The following C5orf24 variants were observed in gnomAD, a reference collection of about 807,000 sequenced individuals.
The protein encoded by C5orf24 is UPF0461 protein C5orf24.
Under a neutral mutation model 9.8 loss-of-function variants are expected in C5orf24, and 4 were observed. The observed-to-expected ratio is 0.41, with a 90% CI of 0.20 to 0.93. C5orf24 has a LOEUF of 0.93. C5orf24 is among the 40% of genes least tolerant of loss of function. C5orf24 has a pLI of 0.33. For missense variants in C5orf24, 170 were observed against 236.9 expected (o/e 0.72, Z 1.85); for synonymous variants, 73 against 81.3 (o/e 0.90, Z 0.55).
the C5orf24 span, among the ~76,000 whole-genome samples, chr5:134,836,373 A>G: frequency 1.3e-5 from 2 of 152,034 alleles, no homozygotes; most frequent in African/African-American, 4.8e-5. Context: ...AGGTTTTACC[A>G]TGTTGGTCAG....
Position 134,855,852 on chromosome 5 carries a change from GT to G in C5orf24, c.*386del, listed in dbSNP as rs1387916461. The G allele has an allele frequency of 1.9e-6, 2 of 1,026,712 alleles. No individual in the cohort carries two copies. Among genetic ancestry groups the G allele is most frequent in the Non-Finnish European group, 1.2e-6 (1 of 848,536 alleles). The allele number at this position is 1,026,712 out of a possible 1,614,324, so 63.6% of individuals were successfully genotyped here. A position where few individuals can be genotyped will look rare whatever the true frequency, so the allele number is the denominator to read the frequency against. The stretch of plus-strand genomic sequence containing the variant: ...CCTACAGTATAATAAAGACACTAAC[GT>G]ATTTTTAACTGATGGAGCAAAAAAG... On this transcript the variant is annotated 3_prime_UTR_variant, in exon 2 of 2. Transcript: ENST00000394976.
chr5:134,854,606 T>G (rs566110378), intron 1 of C5orf24, among the ~76,000 whole-genome samples: 6 of 152,220 alleles, frequency 3.9e-5, no homozygotes, highest in Non-Finnish European at 7.3e-5. Context: ...GAACATTTGT[T>G]TTTGACTTAC....
chr5:134,853,528 C>CTTCTTTTTTTTTTTT (rs1756223114), intron 1 of C5orf24, among the ~76,000 whole-genome samples: 7 of 104,244 alleles, frequency 6.7e-5, no homozygotes, highest in African/African-American at 2.5e-4. Flanking sequence ...TCTTCTTCTT[C>CTTCTTTTTTTTTTTT]TTTTTTTTTT....
Position 134,856,001 on chromosome 5 carries a change from A to G in C5orf24, c.*534A>G, listed in dbSNP as rs1465564174. The G allele has an allele frequency of 1.0e-6, 1 of 1,001,804 alleles. No homozygotes were observed. Among genetic ancestry groups the G allele is most frequent in the African/African-American group, 1.7e-5 (1 of 57,260 alleles). The allele number at this position is 1,001,804 out of a possible 1,614,324, so 62.1% of individuals were successfully genotyped here. A position where few individuals can be genotyped will look rare whatever the true frequency, so the allele number is the denominator to read the frequency against. On this transcript the variant is annotated 3_prime_UTR_variant, in exon 2 of 2. Coordinates refer to ENST00000394976, the MANE Select transcript of C5orf24 (RefSeq NM_001135586.1). Reference sequence around the variant, plus strand: ...TTACATCCACTTCAAATGTTAAAAAACTTATTTTTAATGTTTTAGGTTTAA... The same window carrying G: ...TTACATCCACTTCAAATGTTAAAAAGCTTATTTTTAATGTTTTAGGTTTAA...
rs553055283 is a variant in C5orf24, at chr5:134,856,072, A to G, written c.*605A>G. 5.5e-5 allele frequency: 55 copies of G among 1,000,638 alleles called. No individual in the cohort carries two copies. The highest frequency in any genetic ancestry group is 6.4e-5 in the Non-Finnish European group (53 of 830,394). 62.0% of individuals were successfully genotyped at this position (1,000,638 alleles called of 1,614,324 possible). A position where few individuals can be genotyped will look rare whatever the true frequency, so the allele number is the denominator to read the frequency against. On this transcript the variant is annotated 3_prime_UTR_variant, in exon 2 of 2. Transcript: ENST00000394976. Reference sequence around the variant, plus strand: ...CTACATGGCATTAATTGATTTAACCATTATACCTGAAATAATTCTTCAGTG... The same window carrying G: ...CTACATGGCATTAATTGATTTAACCGTTATACCTGAAATAATTCTTCAGTG...
rs781032483 is a variant in C5orf24 at position 134,857,164 on chromosome 5, CACTTA to C, written c.*1702_*1706del. 2.9e-4 allele frequency: 378 copies of C among 1,285,254 alleles called. 1 individual carries two copies. The highest frequency in any genetic ancestry group is 3.2e-4 in the Non-Finnish European group (326 of 1,003,838). The allele number at this position is 1,285,254 out of a possible 1,614,324, so 79.6% of individuals were successfully genotyped here. A position where few individuals can be genotyped will look rare whatever the true frequency, so the allele number is the denominator to read the frequency against. On this transcript the variant is annotated 3_prime_UTR_variant, in exon 2 of 2. Coordinates refer to ENST00000394976, the MANE Select transcript of C5orf24 (RefSeq NM_001135586.1). ...ATAAACTTCAGACTTGAAAAAATTC[CACTTA>C]ACTTTAAAGTTACAATGTTTGTATT...
At chr5:134,849,645 G>GTTTT (rs1343947436) in intron 1 of C5orf24, among the ~76,000 whole-genome samples, 1 of 61,256 alleles carries the variant, frequency 1.6e-5, no homozygotes, top group Admixed American at 2.2e-4. Flanking sequence ...TTAAGTCAGT[G>GTTTT]TCTTTTTTTT....
rs1756320650 is a variant in C5orf24, at chr5:134,856,642, A to AATAC, written c.*1178_*1179insCATA. ...GGTGACAGAGTAAGACTCCGTCTCA[A>AATAC]ATAAATAAATAAATAAATAAATAAA... is the stretch of plus-strand genomic sequence containing the variant. On this transcript the variant is annotated 3_prime_UTR_variant, in exon 2 of 2. Transcript: ENST00000394976. 1 of 299,804 alleles carries AATAC rather than the reference A, an allele frequency of 3.3e-6. No homozygotes were observed. The highest frequency in any genetic ancestry group is 1.7e-4 in the South Asian group (1 of 5,932). The allele number at this position is 299,804 out of a possible 1,614,324, so 18.6% of individuals were successfully genotyped here. A position where few individuals can be genotyped will look rare whatever the true frequency, so the allele number is the denominator to read the frequency against.
In C5orf24 at chr5:134,858,662, TTATTA is replaced by T. The variant is rs1279893626; in HGVS notation, c.*3201_*3205del. 6 of 167,138 alleles carry T rather than the reference TTATTA, an allele frequency of 3.6e-5. No individual in the cohort carries two copies. The highest frequency in any genetic ancestry group is 3.9e-4 in the East Asian group (2 of 5,194). The allele number at this position is 167,138 out of a possible 1,614,324, so 10.4% of individuals were successfully genotyped here. ...TAAAAAGTACTTTAACATGCCTTAT[TTATTA>T]TATTAGCAAATGAGCTAATAACAGA... On this transcript the variant is annotated 3_prime_UTR_variant, in exon 2 of 2. Transcript: ENST00000394976.
upstream of C5orf24, among the ~76,000 whole-genome samples, chr5:134,841,457 C>T (rs200058310): frequency 1.3e-5 from 2 of 151,864 alleles, no homozygotes; most frequent in South Asian, 2.1e-4. Flanking sequence ...TGTGGTGGCT[C>T]GTGCCTGTAG....
At chr5:134,848,592 TG>T (rs1756061758) in intron 1 of C5orf24, among the ~76,000 whole-genome samples, 1 of 73,568 alleles carries the variant, frequency 1.4e-5, no homozygotes, top group Non-Finnish European at 2.6e-5. Flanking sequence ...ACCCGGGAGG[TG>T]GAGGTTGCGG....
rs1304522551 is a variant in C5orf24 at position 134,845,975 on chromosome 5, C to G, written c.-241C>G. 1 of 152,252 alleles carries G rather than the reference C, an allele frequency of 6.6e-6. No homozygotes were observed. The allele number at this position is 152,252 out of a possible 1,614,324, so 9.4% of individuals were successfully genotyped here. A position where few individuals can be genotyped will look rare whatever the true frequency, so the allele number is the denominator to read the frequency against. On this transcript the variant is annotated 5_prime_UTR_variant, in exon 1 of 2. Transcript: ENST00000394976. ...CTCGCGCACGCCGCCTCTAACACTA[C>G]AGGGTGGTAGCGGCCTCTTCGTACT...
rs1225540102 is a variant in C5orf24, at chr5:134,859,162, A to AT, written c.*3697dup. 2 of 167,002 alleles carry AT rather than the reference A, an allele frequency of 1.2e-5. No homozygotes were observed. The highest frequency in any genetic ancestry group is 2.4e-5 in the African/African-American group (1 of 41,460). The allele number at this position is 167,002 out of a possible 1,614,324, so 10.3% of individuals were successfully genotyped here. A position where few individuals can be genotyped will look rare whatever the true frequency, so the allele number is the denominator to read the frequency against. The stretch of plus-strand genomic sequence containing the variant: ...GCTTTAAAAGAACAATTCAGGGGTT[A>AT]TTGATAACTGCTACTCTGTCGGTCA... On this transcript the variant is annotated 3_prime_UTR_variant, in exon 2 of 2. Coordinates refer to ENST00000394976, the MANE Select transcript of C5orf24 (RefSeq NM_001135586.1).
chr5:134,845,748 T>C (rs1561883960), upstream of C5orf24: 1 of 152,268 alleles, frequency 6.6e-6, no homozygotes, highest in African/African-American at 2.4e-5. Flanking sequence ...GTAAGGAAGT[T>C]ATTAATTCCC....
At position 134,857,518 on chromosome 5, in the gene C5orf24, A is replaced by G; in HGVS notation, c.*2051A>G. On this transcript the variant is annotated 3_prime_UTR_variant, in exon 2 of 2. Coordinates refer to ENST00000394976, the MANE Select transcript of C5orf24 (RefSeq NM_001135586.1). Reference sequence around the variant, plus strand: ...ACAATATTAGCTTTGCACAAACCATAGAGAACGATGTTGGATGGTTACATA... The same window carrying G: ...ACAATATTAGCTTTGCACAAACCATGGAGAACGATGTTGGATGGTTACATA... 3 of 1,269,910 alleles carry G rather than the reference A, an allele frequency of 2.4e-6. No individual in the cohort carries two copies. The highest frequency in any genetic ancestry group is 2.1e-6 in the Non-Finnish European group (2 of 969,694). 78.7% of individuals were successfully genotyped at this position (1,269,910 alleles called of 1,614,324 possible).
chr5:134,845,891 G>A (rs1268405509), upstream of C5orf24: 1 of 152,364 alleles, frequency 6.6e-6, no homozygotes, highest in Non-Finnish European at 1.5e-5. Context: ...GTGCAGGTTG[G>A]CGGCGGGAGA....
chr5:134,844,227 T>C (rs756609990), upstream of C5orf24, among the ~76,000 whole-genome samples: 6 of 152,256 alleles, frequency 3.9e-5, no homozygotes, highest in Non-Finnish European at 7.3e-5. Flanking sequence ...AAAAACTTGT[T>C]TTTAGATAGG....
intron 1 of C5orf24, among the ~76,000 whole-genome samples, chr5:134,852,009 C>T (rs1229962776): frequency 2.0e-5 from 3 of 152,222 alleles, no homozygotes; most frequent in Non-Finnish European, 4.4e-5. Flanking sequence ...GGCACGATCT[C>T]AGCTCACTGC....
chr5:134,852,623 T>G (rs746243076), intron 1 of C5orf24, among the ~76,000 whole-genome samples: 20 of 152,214 alleles, frequency 1.3e-4, no homozygotes, highest in Admixed American at 1.3e-3. Flanking sequence ...CACACAAATA[T>G]CTCCTAACAA....
Sources: allele counts gnomAD v4.1 joint callset (sites outside exome capture counted in the v4.1 genomes callset), GRCh38; gene constraint gnomAD v4.1.1; transcripts MANE v1.5; gene names NCBI Gene and HGNC (gene_info 2026-07-23, HGNC 2026-07-21).